Variants in CCDC88C observed in about 807,000 individuals in gnomAD.
CCDC88C encodes the protein protein Daple.
In CCDC88C, 131 loss-of-function variants were observed where a neutral mutation model predicts 198.8. The ratio of observed to expected loss-of-function variants is 0.66; its 90% confidence interval spans 0.57 to 0.76. The LOEUF (loss-of-function observed/expected upper bound fraction) is 0.76. CCDC88C is among the 30% of genes least tolerant of loss of function. CCDC88C has a pLI of 0.00. For missense variants in CCDC88C, 2,553 were observed against 2,631.6 expected, an observed-to-expected ratio of 0.97 and a Z score of 0.65; for synonymous variants, 1,166 against 1,114.7, an observed-to-expected ratio of 1.05 and a Z score of -0.92.
At chr14:91,287,636 CTTTTTTTTTT>C (rs71120129) in intron 25 of CCDC88C, among the ~76,000 whole-genome samples, 3 of 75,630 alleles carry the variant, frequency 4.0e-5, no homozygotes, top group South Asian at 5.4e-4. Context: ...TGCACCAGGT[CTTTTTTTTTT>C]TTTTTTTTTT....
chr14:91,334,348 A>G (rs1297263841), intron 10 of CCDC88C, among the ~76,000 whole-genome samples: 1 of 152,100 alleles, frequency 6.6e-6, no homozygotes, highest in Non-Finnish European at 1.5e-5. Flanking sequence ...AGGCTCAAGC[A>G]ATCCTCCCAC....
intron 21 of CCDC88C, among the ~76,000 whole-genome samples, chr14:91,298,920 G>A (rs561833457): frequency 3.3e-5 from 5 of 152,302 alleles, no homozygotes; most frequent in South Asian, 4.1e-4. Context: ...ACACTGACTC[G>A]GAACAAGTTA....
chr14:91,406,766 C>T (rs1482654066), intron 3 of CCDC88C, among the ~76,000 whole-genome samples: 3 of 152,236 alleles, frequency 2.0e-5, no homozygotes, highest in Non-Finnish European at 4.4e-5. Flanking sequence ...AGCACCATTG[C>T]CTTTACCCCA....
chr14:91,357,512 C>T (rs1894090871), intron 4 of CCDC88C, among the ~76,000 whole-genome samples: 1 of 152,206 alleles, frequency 6.6e-6, no homozygotes, highest in East Asian at 1.9e-4. Flanking sequence ...ACAGGGTGGG[C>T]GTGCTAAGGA....
At chr14:91,385,136 G>C (rs1332705014) in intron 3 of CCDC88C, among the ~76,000 whole-genome samples, 1 of 152,022 alleles carries the variant, frequency 6.6e-6, no homozygotes, top group African/African-American at 2.4e-5. Context: ...TTTGAGGTTT[G>C]GGTGTGCTGC....
chr14:91,293,520 G>T (rs1207549964), intron 23 of CCDC88C, among the ~76,000 whole-genome samples: 1,018 of 6,396 alleles, frequency 0.16, 138 homozygotes, highest in Middle Eastern at 0.21. Flanking sequence ...CTACCTTCCT[G>T]TCCCCTCACC....
chr14:91,301,187 C>T (rs1596042946), intron 20 of CCDC88C, among the ~76,000 whole-genome samples: 1 of 152,206 alleles, frequency 6.6e-6, no homozygotes, highest in South Asian at 2.1e-4. Context: ...GGGTGAGCGT[C>T]TCCGATTTTA....
chr14:91,394,915 C>T (rs191982702), intron 3 of CCDC88C, among the ~76,000 whole-genome samples: 31 of 152,234 alleles, frequency 2.0e-4, no homozygotes, highest in East Asian at 1.9e-3. Context: ...GGCCAGGGGA[C>T]GGGCCTTGGG....
chr14:91,338,447 C>A lies in CCDC88C; in HGVS notation c.891+42G>T. 6.6e-7 allele frequency: 1 copy of A among 1,517,546 alleles called. No homozygotes were observed. The allele number at this position is 1,517,546 out of a possible 1,614,324, so 94.0% of individuals were successfully genotyped here. ...AGGCCCCGTTACTGGACACTCCAGC[C>A]CTGCTACCCCCAGGACACACAGGCT... On this transcript the variant is annotated intron_variant, in intron 9 of 29. Coordinates refer to ENST00000389857, the MANE Select transcript of CCDC88C (RefSeq NM_001080414.4). The surrounding 1 kb of genome is among the most constrained non-coding windows in gnomAD (Gnocchi z 4.8).
In CCDC88C at chr14:91,338,893, G is replaced by C; in HGVS notation, c.810-323C>G. The stretch of plus-strand genomic sequence containing the variant: ...CCACAGGTGACATCCATCAGCTGCA[G>C]GAAACCTGGGAGAACAGGCTCACCA... On this transcript the variant is annotated intron_variant, in intron 8 of 29. Transcript: ENST00000389857. The surrounding 1 kb of genome is among the most constrained non-coding windows in gnomAD (Gnocchi z 4.8). The C allele has an allele frequency of 4.2e-6, 2 of 477,438 alleles. No individual in the cohort carries two copies. Among genetic ancestry groups the C allele is most frequent in the East Asian group, 8.1e-5 (2 of 24,684 alleles). The allele number at this position is 477,438 out of a possible 1,614,324, so 29.6% of individuals were successfully genotyped here.
chr14:91,406,548 C>T (rs1178573973), intron 3 of CCDC88C, among the ~76,000 whole-genome samples: 1 of 152,260 alleles, frequency 6.6e-6, no homozygotes, highest in African/African-American at 2.4e-5. Context: ...TCCAAGAAGA[C>T]TTCCCCAACT....
chr14:91,295,552 C>T (rs980926466), intron 22 of CCDC88C, among the ~76,000 whole-genome samples: 1 of 152,212 alleles, frequency 6.6e-6, no homozygotes, highest in Non-Finnish European at 1.5e-5. Flanking sequence ...CCCTTCAGCC[C>T]AAGTCCATGA....
At chr14:91,302,856 G>A (rs1427248507) in intron 20 of CCDC88C, among the ~76,000 whole-genome samples, 1 of 152,170 alleles carries the variant, frequency 6.6e-6, no homozygotes, top group Non-Finnish European at 1.5e-5. Context: ...CCCTACAAAC[G>A]GAGCCGTGGA....
At chr14:91,296,021 G>A (rs1000312951) in intron 22 of CCDC88C, among the ~76,000 whole-genome samples, 8 of 152,168 alleles carry the variant, frequency 5.3e-5, no homozygotes, top group Non-Finnish European at 1.2e-4. Flanking sequence ...CAGCCCTGCC[G>A]GTTCACGGAT....
rs1452372195 is a variant in CCDC88C, at chr14:91,273,478, A to G, written c.5234T>C (p.Leu1745Pro). 6.4e-7 allele frequency: 1 copy of G among 1,565,800 alleles called. No homozygotes were observed. Among genetic ancestry groups the G allele is most frequent in the Admixed American group, 1.9e-5 (1 of 53,446 alleles). ...MAAPTSEGRP[L>P]KPGQYVKPNF... ...TGGCTTTACGTACTGCCCGGGCTTC[A>G]GCGGCCTCCCCTCCGAGGTGGGGGC... is the stretch of plus-strand genomic sequence containing the variant. The change falls in exon 30 of 30, where the codon CTG becomes CCG. Residue 1745 changes from leucine to proline, a missense_variant. Around this residue, in one of 2 missense-constraint regions of CCDC88C, gnomAD observed 1,293 missense variants for 1,219.6 expected, o/e 1.06. Transcript: ENST00000389857. This position sits in a 1 kb window ranked among gnomAD's most constrained non-coding sequence, Gnocchi z 5.6.
chr14:91,389,506 A>T (rs1885355835), intron 3 of CCDC88C, among the ~76,000 whole-genome samples: 1 of 152,184 alleles, frequency 6.6e-6, no homozygotes. Context: ...ACTATCCATC[A>T]TCAACAGGAG....
intron 22 of CCDC88C, among the ~76,000 whole-genome samples, chr14:91,295,286 G>A (rs1890952412): frequency 6.6e-6 from 1 of 152,202 alleles, no homozygotes; most frequent in Admixed American, 6.5e-5. Context: ...TGAAGCTATG[G>A]CATTTTTTCA....
intron 28 of CCDC88C, 38 bp downstream of exon 28, chr14:91,279,200 A>T: frequency 6.5e-7 from 1 of 1,545,612 alleles, no homozygotes; most frequent in East Asian, 2.4e-5. Context: ...GCCTGGCCCA[A>T]ATCAATTTTT....
chr14:91,413,708 G>A (rs570597125), intron 2 of CCDC88C, among the ~76,000 whole-genome samples: 1 of 152,304 alleles, frequency 6.6e-6, no homozygotes, highest in African/African-American at 2.4e-5. Flanking sequence ...GTCACCAGGA[G>A]ACCAGGGCCG....
Sources: allele counts gnomAD v4.1 joint callset (sites outside exome capture counted in the v4.1 genomes callset), GRCh38; gene constraint gnomAD v4.1.1; regional missense constraint gnomAD v4.1.1; non-coding constraint Gnocchi (gnomAD v3.1); transcripts MANE v1.5; gene names NCBI Gene and HGNC (gene_info 2026-07-23, HGNC 2026-07-21).